HECTD4: variants seen among roughly 807,000 people sequenced by gnomAD.
HECTD4 encodes the protein probable E3 ubiquitin-protein ligase HECTD4.
A neutral mutation model predicts 471.5 loss-of-function variants in HECTD4; 114 were observed. The ratio of observed to expected loss-of-function variants is 0.24; its 90% CI spans 0.21 to 0.28. The LOEUF is 0.28. Among genes scored for constraint, HECTD4 ranks in the 10% least tolerant of loss-of-function variants. HECTD4 has a pLI of 1.00. For missense variants in HECTD4, 3,866 were observed against 5,651.5 expected, an observed-to-expected ratio of 0.68 and a Z score of 10.13; for synonymous variants, 2,012 against 2,256.0, an observed-to-expected ratio of 0.89 and a Z score of 3.07.
Position 112,259,148 on chromosome 12 carries a change from C to T in HECTD4, c.2991G>A (p.Met997Ile), listed in dbSNP as rs1394701666. Residue 997 changes from methionine (M) to isoleucine (I), a missense_variant, in exon 19 of 76, where the codon ATG (methionine) becomes ATA (isoleucine). Physicochemically the swap from Met to Ile is conservative, Grantham distance 10 (BLOSUM62 1). Coordinates refer to ENST00000682272, the MANE Select transcript of HECTD4 (RefSeq NM_001388303.1). ...AGAGTACCAGCTGCACTAGCTGAGG[C>T]ATCAGGGCATCCGCCATGATCAGAG... ...LQTLIMADAL[M>I]PQLVQLVLYT... 5 of 1,613,582 alleles carry T rather than the reference C, an allele frequency of 3.1e-6. No individual in the cohort carries two copies. In the African/African-American group the frequency reaches 6.7e-5, roughly 22 times the overall value.
rs770794980 is a variant in HECTD4, at chr12:112,210,292, G to A, written c.7630-40C>T. Reference sequence around the variant, plus strand: ...AAATGAAGGATTTGGAAAGACTTACGTTTATTTTTATTTCTGCAAGAGCCC... The same window carrying A: ...AAATGAAGGATTTGGAAAGACTTACATTTATTTTTATTTCTGCAAGAGCCC... On this transcript the variant is annotated intron_variant, in intron 49 of 75. Transcript: ENST00000682272. 1.7e-5 allele frequency: 27 copies of A among 1,590,766 alleles called. No homozygotes were observed. The East Asian group carries it at 2.2e-4, about 13-fold the overall frequency.
chr12:112,306,750 C>G (rs1433525314), intron 6 of HECTD4, among the ~76,000 whole-genome samples: 1 of 151,662 alleles, frequency 6.6e-6, no homozygotes, highest in East Asian at 1.9e-4. Flanking sequence ...CAAAAGAAAG[C>G]CAAGAGGAAA....
At position 112,230,678 on chromosome 12, in the gene HECTD4, T is replaced by C. The variant is rs974096136; in HGVS notation, c.6336+9A>G. 8 of 1,605,306 alleles carry C rather than the reference T, an allele frequency of 5.0e-6. No individual in the cohort carries two copies. The African/African-American group carries it at 9.4e-5, about 19-fold the overall frequency. ...TATTTTCTCAGTTGAGTAGCAACACTGCGCTAACCTTCTCTGCTGTTGTGG... is the reference window on the plus strand; with the variant it reads ...TATTTTCTCAGTTGAGTAGCAACACCGCGCTAACCTTCTCTGCTGTTGTGG... On this transcript the variant is annotated intron_variant, in intron 40 of 75. Transcript: ENST00000682272.
intron 48 of HECTD4, among the ~76,000 whole-genome samples, chr12:112,214,866 G>C (rs1225309700): frequency 6.6e-6 from 1 of 152,036 alleles, no homozygotes; most frequent in African/African-American, 2.4e-5. Flanking sequence ...ACACTATGCT[G>C]CCAGGGGCCG....
intron 7 of HECTD4, chr12:112,302,617 A>G: frequency 1.6e-6 from 1 of 640,362 alleles, no homozygotes; most frequent in Non-Finnish European, 2.8e-6. Context: ...CTTCTTCACA[A>G]CAGCAGGGGC....
At chr12:112,175,594 T>A in intron 66 of HECTD4, 142 bp downstream of exon 66, 1 of 1,007,680 alleles carries the variant, frequency 9.9e-7, no homozygotes, top group Non-Finnish European at 1.4e-6. Flanking sequence ...CATTTAGCAC[T>A]TAGGAAAAAA....
intron 1 of HECTD4, among the ~76,000 whole-genome samples, chr12:112,356,443 GT>G (rs920546910): frequency 6.6e-6 from 1 of 151,906 alleles, no homozygotes; most frequent in African/African-American, 2.4e-5. Flanking sequence ...TTGTTTTTTT[GT>G]TTTTTGTTTT....
chr12:112,166,468 T>C lies in HECTD4; in HGVS notation c.12534+849A>G, dbSNP rs2030965298. 6.6e-6 allele frequency: 1 copy of C among 152,258 alleles called. No homozygotes were observed. Among genetic ancestry groups the C allele is most frequent in the African/African-American group, 2.4e-5 (1 of 41,452 alleles). The allele number at this position is 152,258 out of a possible 1,614,324, so 9.4% of individuals were successfully genotyped here. On this transcript the variant is annotated intron_variant, in intron 72 of 75. Coordinates refer to ENST00000682272, the MANE Select transcript of HECTD4 (RefSeq NM_001388303.1). The surrounding 1 kb of genome is among the most constrained non-coding windows in gnomAD (Gnocchi z 4.6). Reference sequence around the variant, plus strand: ...CGGGCCTCAGGCACGACGTCCACTCTCGTGGCCTTGAGGGGCGCTGGGTGG... The same window carrying C: ...CGGGCCTCAGGCACGACGTCCACTCCCGTGGCCTTGAGGGGCGCTGGGTGG...
At chr12:112,365,552 G>A (rs1224353844) in intron 1 of HECTD4, among the ~76,000 whole-genome samples, 2 of 152,124 alleles carry the variant, frequency 1.3e-5, no homozygotes, top group African/African-American at 4.8e-5. Context: ...ACATGTGGGT[G>A]GTGGCTACCA....
At chr12:112,277,438 A>C (rs1337980441) in intron 9 of HECTD4, among the ~76,000 whole-genome samples, 1 of 152,196 alleles carries the variant, frequency 6.6e-6, no homozygotes, top group African/African-American at 2.4e-5. Context: ...TGATGGATAA[A>C]ACAACTTGGA....
rs1350991283 is a variant in HECTD4, at chr12:112,382,149, C to A, written c.-21G>T. The A allele has an allele frequency of 5.7e-6, 7 of 1,217,888 alleles. No homozygotes were observed. The highest frequency in any genetic ancestry group is 6.1e-6 in the Non-Finnish European group (6 of 980,510). The allele number at this position is 1,217,888 out of a possible 1,614,324, so 75.4% of individuals were successfully genotyped here. The stretch of plus-strand genomic sequence containing the variant: ...CCCATGGCCCCGGCTGAAGGCTTGG[C>A]GCTGAGGAGCAGACGCCCGGCCGGG... On this transcript the variant is annotated 5_prime_UTR_variant, in exon 1 of 76. Coordinates refer to ENST00000682272, the MANE Select transcript of HECTD4 (RefSeq NM_001388303.1).
chr12:112,371,590 A>AT (rs1200212031), intron 1 of HECTD4, among the ~76,000 whole-genome samples: 1 of 151,774 alleles, frequency 6.6e-6, no homozygotes, highest in Non-Finnish European at 1.5e-5. Flanking sequence ...AGAAAAAAAA[A>AT]GGAAAGAAAA....
intron 48 of HECTD4, among the ~76,000 whole-genome samples, chr12:112,215,895 A>G (rs140094908): frequency 2.5e-4 from 38 of 152,214 alleles, no homozygotes; most frequent in African/African-American, 8.7e-4. Context: ...AGCCTCCCCA[A>G]ATGCTGGAAT....
At position 112,202,209 on chromosome 12, in the gene HECTD4, A is replaced by AT. The variant is rs146967252; in HGVS notation, c.8407-1412dup. 2.9e-3 allele frequency among the ~76,000 whole-genome samples: 415 copies of AT among 145,242 alleles called. 1 individual carries two copies. The highest frequency in any genetic ancestry group is 4.9e-3 in the African/African-American group (195 of 39,852). On this transcript the variant is annotated intron_variant, in intron 54 of 75. Transcript: ENST00000682272. ...TGACAAAATAGAGTCAGATGATGTA[A>AT]TTTTTTTTTTTTTTGAGACAGTGTC...
chr12:112,208,007 G>A lies in HECTD4; in HGVS notation c.8005-7C>T. 1 of 1,612,202 alleles carries A rather than the reference G, an allele frequency of 6.2e-7. No individual in the cohort carries two copies. On this transcript the variant is annotated splice_polypyrimidine_tract_variant and splice_region_variant and intron_variant, in intron 51 of 75. Coordinates refer to ENST00000682272, the MANE Select transcript of HECTD4 (RefSeq NM_001388303.1). ...GCAGGGCGTAGTGGTCCTCCTGGAA[G>A]CAGAAGGAACCTCATGAACAGAGAA... is the stretch of plus-strand genomic sequence containing the variant.
chr12:112,379,530 C>T (rs1218858247), intron 1 of HECTD4, among the ~76,000 whole-genome samples: 1 of 151,934 alleles, frequency 6.6e-6, no homozygotes, highest in Non-Finnish European at 1.5e-5. Context: ...CTTGTCTCTA[C>T]TAAAAATACA....
At chr12:112,339,252 T>C (rs533088556) in intron 1 of HECTD4, among the ~76,000 whole-genome samples, 1 of 150,356 alleles carries the variant, frequency 6.7e-6, no homozygotes, top group South Asian at 2.1e-4. Context: ...GCAGTGAAAA[T>C]AAATGAAGTA....
At chr12:112,203,804 A>G (rs911617202) in intron 53 of HECTD4, 32 bp from the exon 54 acceptor site, 2 of 1,484,874 alleles carry the variant, frequency 1.3e-6, no homozygotes, top group African/African-American at 1.4e-5. Flanking sequence ...GTTTTTCAGG[A>G]AAAAGTACCA....
At position 112,258,543 on chromosome 12, in the gene HECTD4, G is replaced by A. The variant is rs1280419714; in HGVS notation, c.3081C>T (p.Ser1027=). ...ACTTCTGGTCTGGTGCACCACACGG[G>A]GAACAGCCCACCTCAGCAAAAACCG... ...QCPVFAEVGC[S]PCGAPDQKCR... Residue 1027 remains serine (S), a synonymous_variant, in exon 20 of 76, where the codon TCC becomes TCT. Coordinates refer to ENST00000682272, the MANE Select transcript of HECTD4 (RefSeq NM_001388303.1). 1.2e-6 allele frequency: 2 copies of A among 1,605,666 alleles called. No homozygotes were observed. Among genetic ancestry groups the A allele is most frequent in the Admixed American group, 1.7e-5 (1 of 58,480 alleles).
Sources: allele counts gnomAD v4.1 joint callset (sites outside exome capture counted in the v4.1 genomes callset), GRCh38; gene constraint gnomAD v4.1.1; non-coding constraint Gnocchi (gnomAD v3.1); transcripts MANE v1.5; gene names NCBI Gene and HGNC (gene_info 2026-07-23, HGNC 2026-07-21).